DIPK1A: variants seen among roughly 807,000 people sequenced by gnomAD.
DIPK1A encodes divergent protein kinase domain 1A.
Under a neutral mutation model 40.8 loss-of-function variants are expected in DIPK1A, and 27 were observed. That is an observed-to-expected ratio of 0.66 (90% CI 0.49 to 0.91). The LOEUF is 0.91. Among genes scored for constraint, DIPK1A ranks in the 40% least tolerant of loss-of-function variants. The pLI, the probability that DIPK1A is intolerant of heterozygous loss-of-function variation, is 0.00. For synonymous variants in DIPK1A, 166 were observed against 171.3 expected, an observed-to-expected ratio of 0.97 and a Z score of 0.24; for missense variants, 412 against 505.7, an observed-to-expected ratio of 0.81 and a Z score of 1.78.
intron 1 of DIPK1A, among the ~76,000 whole-genome samples, chr1:92,898,073 T>C (rs1403485149): frequency 6.7e-6 from 1 of 150,244 alleles, no homozygotes; most frequent in East Asian, 2.0e-4. Context: ...CACTCTAGCC[T>C]GGGCAACAGA....
chr1:92,849,048 T>C (rs1318269884), intron 3 of DIPK1A, among the ~76,000 whole-genome samples: 1 of 152,214 alleles, frequency 6.6e-6, no homozygotes, highest in Non-Finnish European at 1.5e-5. Flanking sequence ...ATCAGCTGTT[T>C]GCAGTTCTTT....
intron 1 of DIPK1A, among the ~76,000 whole-genome samples, chr1:92,926,841 A>G (rs1263673953): frequency 1.3e-5 from 2 of 152,220 alleles, no homozygotes; most frequent in Non-Finnish European, 2.9e-5. Context: ...TTGTTTGCAC[A>G]GTATATCCTC....
chr1:92,898,382 T>G (rs773455010), intron 1 of DIPK1A, among the ~76,000 whole-genome samples: 98 of 152,220 alleles, frequency 6.4e-4, no homozygotes, highest in Non-Finnish European at 1.2e-3. Context: ...TGCTAAGCCA[T>G]TCATGAGAGA....
intron 1 of DIPK1A, among the ~76,000 whole-genome samples, chr1:92,959,902 A>ATTTTTTTTTTTTTTTTTTTTT (rs1557502636): frequency 0.01 from 445 of 43,076 alleles, 50 homozygotes; most frequent in Middle Eastern, 0.026. Flanking sequence ...CACCCAACCA[A>ATTTTTTTTTTTTTTTTTTTTT]CTTTTTTTTT....
intron 1 of DIPK1A, among the ~76,000 whole-genome samples, chr1:92,907,731 C>G (rs1649678997): frequency 6.6e-6 from 1 of 152,146 alleles, no homozygotes; most frequent in Non-Finnish European, 1.5e-5. Context: ...CATGAGCCAC[C>G]ATGCGCAGCC....
chr1:92,926,985 TGATTTGGCTG>T (rs1650540622), intron 1 of DIPK1A, among the ~76,000 whole-genome samples: 1 of 152,218 alleles, frequency 6.6e-6, no homozygotes, highest in African/African-American at 2.4e-5. Context: ...GATTTACATT[TGATTTGGCTG>T]GATTTGGCTG....
At chr1:92,932,901 C>G (rs1249075079) in intron 1 of DIPK1A, 1 of 152,100 alleles carries the variant, frequency 6.6e-6, no homozygotes, top group Non-Finnish European at 1.5e-5. Flanking sequence ...GAATGTACAT[C>G]AAGAGTAAAC....
chr1:92,923,277 T>C (rs1389118532), intron 1 of DIPK1A, among the ~76,000 whole-genome samples: 1 of 152,148 alleles, frequency 6.6e-6, no homozygotes, highest in African/African-American at 2.4e-5. Context: ...TAGCTGGGAC[T>C]ATAGGCGCCC....
At chr1:92,862,124 T>G (rs1025014049) in intron 2 of DIPK1A, among the ~76,000 whole-genome samples, 3 of 152,146 alleles carry the variant, frequency 2.0e-5, no homozygotes, top group African/African-American at 7.2e-5. Context: ...ATTTTCCTTG[T>G]GTTCTCTGTA....
At chr1:92,888,196 A>C (rs1242747256) in intron 1 of DIPK1A, among the ~76,000 whole-genome samples, 3 of 151,464 alleles carry the variant, frequency 2.0e-5, no homozygotes, top group South Asian at 4.2e-4. Context: ...TCCTCCCCTT[A>C]CCCTTCCCCA....
chr1:92,922,426 G>A (rs550634615), intron 1 of DIPK1A, among the ~76,000 whole-genome samples: 3 of 151,088 alleles, frequency 2.0e-5, no homozygotes, highest in Non-Finnish European at 4.4e-5. Context: ...TTTTCCAGAC[G>A]AATTATTTGC....
intron 2 of DIPK1A, among the ~76,000 whole-genome samples, chr1:92,866,143 C>G (rs1647525246): frequency 6.6e-6 from 1 of 152,244 alleles, no homozygotes; most frequent in East Asian, 1.9e-4. Context: ...TCACTGTCAC[C>G]CATGCTGGAG....
chr1:92,871,574 A>C (rs1049880465), intron 2 of DIPK1A, among the ~76,000 whole-genome samples: 1 of 152,214 alleles, frequency 6.6e-6, no homozygotes, highest in Non-Finnish European at 1.5e-5. Flanking sequence ...TGAATTATCA[A>C]AGTCTAAAGT....
chr1:92,861,212 G>A (rs1647254038), intron 2 of DIPK1A, among the ~76,000 whole-genome samples: 1 of 151,392 alleles, frequency 6.6e-6, no homozygotes, highest in Non-Finnish European at 1.5e-5. Flanking sequence ...TCTTTTATCA[G>A]GTTAAGAAAG....
At chr1:92,957,237 C>T (rs945115150) in intron 1 of DIPK1A, among the ~76,000 whole-genome samples, 7 of 152,184 alleles carry the variant, frequency 4.6e-5, no homozygotes, top group Non-Finnish European at 8.8e-5. Flanking sequence ...ATGCAGGTGT[C>T]ATTCTGGGTT....
intron 1 of DIPK1A, among the ~76,000 whole-genome samples, chr1:92,884,289 A>T (rs899212381): frequency 9.9e-5 from 15 of 152,114 alleles, no homozygotes; most frequent in Non-Finnish European, 1.9e-4. Context: ...TCTACAAAAA[A>T]TAAAAAATAA....
chr1:92,833,105 C>T (rs943262792), intron 4 of DIPK1A: 9 of 700,144 alleles, frequency 1.3e-5, no homozygotes, highest in African/African-American at 8.8e-5. Flanking sequence ...TAATTTTATA[C>T]CTGTTAAATG....
rs1374756135 is a variant in DIPK1A at position 92,858,369 on chromosome 1, G to A, written c.190-7414C>T. Among the ~76,000 whole-genome samples the A allele has an allele frequency of 2.6e-5, 4 of 151,962 alleles. No individual in the cohort carries two copies. In the South Asian group the frequency reaches 6.2e-4, roughly 24 times the overall value. On this transcript the variant is annotated intron_variant, in intron 2 of 4. Transcript: ENST00000370310. ...GAAATCTAACATTATTTGTGTCCAA[G>A]TTATCTTCCCTTGTGGAAAGCTGGA...
rs1443163703 is a variant in DIPK1A, at chr1:92,847,925, T to C, written c.298-566A>G. On this transcript the variant is annotated intron_variant, in intron 3 of 4. Transcript: ENST00000370310. ...TAATTAAAAACATTTTTTGTAGAGA[T>C]GGGGTCTTGCTGTATTGCTCAGGCT... Among the ~76,000 whole-genome samples the C allele has an allele frequency of 5.9e-5, 9 of 152,288 alleles. No individual in the cohort carries two copies. The South Asian group carries it at 1.2e-3, about 21-fold the overall frequency.
Sources: gnomAD v4.1 joint callset for allele counts (sites outside exome capture counted in the v4.1 genomes callset) on GRCh38, gnomAD v4.1.1 for gene constraint, MANE v1.5 for transcripts, NCBI Gene and HGNC (gene_info 2026-07-23, HGNC 2026-07-21) for gene names.